CSMD1: variants seen among roughly 807,000 people sequenced by gnomAD.
CSMD1 encodes the protein CUB and Sushi multiple domains 1.
Under a neutral mutation model 417.5 loss-of-function variants are expected in CSMD1, and 213 were observed. The ratio of observed to expected loss-of-function variants is 0.51; its 90% CI spans 0.46 to 0.57. The LOEUF is 0.57. Among genes scored for constraint, CSMD1 ranks in the 20% least tolerant of loss-of-function variants. The pLI, the probability that CSMD1 is intolerant of heterozygous loss-of-function variation, is 0.00. For synonymous variants in CSMD1, 2,862 were observed against 1,736.8 expected (o/e 1.65, Z -16.11); for missense variants, 6,923 against 4,529.7 (o/e 1.53, Z -15.17).
intron 2 of CSMD1, among the ~76,000 whole-genome samples, chr8:4,422,757 C>T (rs2128941284): frequency 6.6e-6 from 1 of 152,188 alleles, no homozygotes; most frequent in South Asian, 2.1e-4. Context: ...TAATGTCTCT[C>T]ATGCATATAG....
intron 1 of CSMD1, among the ~76,000 whole-genome samples, chr8:4,878,789 T>A (rs1041569370): frequency 2.0e-5 from 3 of 151,812 alleles, no homozygotes; most frequent in African/African-American, 7.3e-5. Flanking sequence ...AGTTTGAGTT[T>A]ATCCCTCCTC....
At chr8:3,681,922 CA>C (rs1799685181) in intron 7 of CSMD1, among the ~76,000 whole-genome samples, 1 of 152,054 alleles carries the variant, frequency 6.6e-6, no homozygotes, top group East Asian at 1.9e-4. Flanking sequence ...ACAAATCTGA[CA>C]AAAACAAGAA....
At chr8:4,329,338 G>C (rs1799736438) in intron 3 of CSMD1, among the ~76,000 whole-genome samples, 4 of 152,074 alleles carry the variant, frequency 2.6e-5, no homozygotes, top group East Asian at 1.9e-4. Flanking sequence ...ACCCAGGCTG[G>C]AGTGCAGTGA....
chr8:4,808,025 C>T (rs960623052), intron 1 of CSMD1, among the ~76,000 whole-genome samples: 1 of 152,190 alleles, frequency 6.6e-6, no homozygotes, highest in African/African-American at 2.4e-5. Flanking sequence ...TGCTCTCGCC[C>T]ATAGATAGCA....
At chr8:4,899,291 A>G (rs1483426749) in intron 1 of CSMD1, among the ~76,000 whole-genome samples, 3 of 152,062 alleles carry the variant, frequency 2.0e-5, no homozygotes, top group Non-Finnish European at 4.4e-5. Context: ...AAAACATAAC[A>G]TTATTGATAA....
At chr8:4,536,053 C>T (rs1009068830) in intron 2 of CSMD1, among the ~76,000 whole-genome samples, 21 of 152,096 alleles carry the variant, frequency 1.4e-4, no homozygotes, top group African/African-American at 4.6e-4. Flanking sequence ...CTGAAAATTT[C>T]CTCAGTGTTT....
At chr8:4,067,407 G>C (rs1477197354) in intron 3 of CSMD1, among the ~76,000 whole-genome samples, 3 of 152,144 alleles carry the variant, frequency 2.0e-5, no homozygotes, top group Non-Finnish European at 2.9e-5. Flanking sequence ...GTATTTCCTA[G>C]ACTAATGAAT....
chr8:4,161,807 T>C (rs1563205520), intron 3 of CSMD1, among the ~76,000 whole-genome samples: 1 of 152,206 alleles, frequency 6.6e-6, no homozygotes, highest in East Asian at 1.9e-4. Flanking sequence ...ATTTGTTCAT[T>C]TTTTCATAAT....
intron 37 of CSMD1, among the ~76,000 whole-genome samples, chr8:3,179,215 G>A (rs1237351603): frequency 1.3e-5 from 2 of 152,070 alleles, no homozygotes; most frequent in East Asian, 1.9e-4. Flanking sequence ...AAAGTGCTGG[G>A]ATTACAGGCG....
intron 6 of CSMD1, among the ~76,000 whole-genome samples, chr8:3,713,951 A>C (rs1490045759): frequency 6.6e-6 from 1 of 152,138 alleles, no homozygotes; most frequent in South Asian, 2.1e-4. Context: ...CTGCACCAAA[A>C]GAATATTTAC....
At chr8:4,374,001 A>G (rs898666142) in intron 3 of CSMD1, among the ~76,000 whole-genome samples, 2 of 152,228 alleles carry the variant, frequency 1.3e-5, no homozygotes, top group Non-Finnish European at 2.9e-5. Flanking sequence ...AGTATGAACT[A>G]TGACAGAAAT....
At chr8:4,916,492 C>T (rs1242564298) in intron 1 of CSMD1, among the ~76,000 whole-genome samples, 3 of 152,268 alleles carry the variant, frequency 2.0e-5, no homozygotes, top group African/African-American at 4.8e-5. Context: ...TGTATGTTTT[C>T]TTTCTTCCTC....
At chr8:3,923,832 T>G (rs1809451488) in intron 5 of CSMD1, among the ~76,000 whole-genome samples, 1 of 152,230 alleles carries the variant, frequency 6.6e-6, no homozygotes, top group African/African-American at 2.4e-5. Flanking sequence ...TTTCAATTTT[T>G]TACATTCCAT....
intron 1 of CSMD1, among the ~76,000 whole-genome samples, chr8:4,764,197 T>G (rs1450135805): frequency 6.6e-6 from 1 of 152,218 alleles, no homozygotes; most frequent in Non-Finnish European, 1.5e-5. Flanking sequence ...AGTGACCATG[T>G]GTTTTTCAGA....
chr8:3,620,247 A>C (rs920273276), intron 7 of CSMD1, among the ~76,000 whole-genome samples: 3 of 152,196 alleles, frequency 2.0e-5, no homozygotes, highest in Non-Finnish European at 4.4e-5. Context: ...ATCAAAATAG[A>C]GTGAGTTTAT....
intron 12 of CSMD1, 36 bp downstream of exon 12, chr8:3,468,676 T>C (rs1337621139): frequency 8.7e-6 from 12 of 1,385,234 alleles, no homozygotes; most frequent in African/African-American, 1.4e-5. Flanking sequence ...CTTGGAATGC[T>C]AACTTCCAAC....
intron 1 of CSMD1, among the ~76,000 whole-genome samples, chr8:4,909,641 TG>T (rs1214488924): frequency 1.3e-5 from 2 of 152,168 alleles, no homozygotes; most frequent in Non-Finnish European, 2.9e-5. Flanking sequence ...GTAAAGGCAA[TG>T]AGTGTAGGGG....
At chr8:3,982,895 C>T (rs571437297) in intron 5 of CSMD1, among the ~76,000 whole-genome samples, 2 of 152,278 alleles carry the variant, frequency 1.3e-5, no homozygotes, top group South Asian at 4.1e-4. Flanking sequence ...CCTACCCTTG[C>T]CTTTACAATA....
chr8:4,963,844 A>G (rs1171259569), intron 1 of CSMD1, among the ~76,000 whole-genome samples: 1 of 152,188 alleles, frequency 6.6e-6, no homozygotes, highest in Admixed American at 6.5e-5. Context: ...TAGTCACCCA[A>G]TCATACTAGC....
Sources: allele counts gnomAD v4.1 joint callset (sites outside exome capture counted in the v4.1 genomes callset), GRCh38; gene constraint gnomAD v4.1.1; transcripts MANE v1.5; gene names NCBI Gene and HGNC (gene_info 2026-07-23, HGNC 2026-07-21).